The following ZNF385D variants were observed in gnomAD, a reference collection of about 807,000 sequenced individuals.
ZNF385D encodes zinc finger protein 385D.
In ZNF385D, 15 loss-of-function variants were observed where a neutral mutation model predicts 35.8. The observed-to-expected ratio is 0.42, with a 90% CI of 0.28 to 0.64. The LOEUF is 0.64. ZNF385D is among the 30% of genes least tolerant of loss of function. The probability of loss-of-function intolerance (pLI) is 0.23; values close to 1 mark genes in which losing one functional copy is unlikely to be tolerated. For synonymous variants in ZNF385D, 212 were observed against 186.8 expected, an observed-to-expected ratio of 1.13 and a Z score of -1.10; for missense variants, 474 against 494.6, an observed-to-expected ratio of 0.96 and a Z score of 0.39.
chr3:21,605,949 T>C (rs2064466529), intron 2 of ZNF385D, among the ~76,000 whole-genome samples: 1 of 151,792 alleles, frequency 6.6e-6, no homozygotes, highest in East Asian at 1.9e-4. Context: ...GTAATGCACA[T>C]CTTAAAACGT....
intron 2 of ZNF385D, among the ~76,000 whole-genome samples, chr3:22,229,259 T>C (rs1479161021): frequency 2.0e-5 from 3 of 152,238 alleles, no homozygotes; most frequent in African/African-American, 7.2e-5. Context: ...TTTGACTTTC[T>C]GTTAACTCTC....
At chr3:21,835,396 A>G (rs980704427) in intron 3 of ZNF385D, among the ~76,000 whole-genome samples, 2 of 152,038 alleles carry the variant, frequency 1.3e-5, no homozygotes, top group Admixed American at 1.3e-4. Context: ...GAAAATTGTT[A>G]TGAGAACATA....
chr3:21,981,032 G>A (rs1053214001), intron 3 of ZNF385D, among the ~76,000 whole-genome samples: 4 of 152,052 alleles, frequency 2.6e-5, no homozygotes, highest in South Asian at 4.2e-4. Flanking sequence ...GAACATTCAC[G>A]TGCATGTGTC....
chr3:21,442,876 T>G (rs932848153), intron 4 of ZNF385D, among the ~76,000 whole-genome samples: 1 of 114,240 alleles, frequency 8.8e-6, no homozygotes, highest in Non-Finnish European at 1.8e-5. Flanking sequence ...TATGTGTATA[T>G]CTGTGTATAA....
chr3:21,999,982 C>A (rs779967173), intron 3 of ZNF385D, among the ~76,000 whole-genome samples: 7 of 151,976 alleles, frequency 4.6e-5, no homozygotes, highest in Non-Finnish European at 7.4e-5. Flanking sequence ...ACAAGAAGCT[C>A]AAAAATCCCC....
At chr3:22,064,090 G>C (rs1213254995) in intron 3 of ZNF385D, among the ~76,000 whole-genome samples, 1 of 152,152 alleles carries the variant, frequency 6.6e-6, no homozygotes, top group Non-Finnish European at 1.5e-5. Context: ...CTCACCTTTA[G>C]GGGACTGCTA....
intron 3 of ZNF385D, among the ~76,000 whole-genome samples, chr3:21,929,738 C>A (rs191201867): frequency 1.0e-3 from 159 of 152,002 alleles, no homozygotes; most frequent in African/African-American, 3.7e-3. Context: ...TGAGGAATAA[C>A]TTTAACAAAA....
chr3:21,516,911 C>T (rs1707602800), intron 3 of ZNF385D, among the ~76,000 whole-genome samples: 2 of 151,850 alleles, frequency 1.3e-5, no homozygotes, highest in African/African-American at 2.4e-5. Context: ...TGTCACCATC[C>T]TCCTTGGGGA....
intron 2 of ZNF385D, among the ~76,000 whole-genome samples, chr3:21,633,641 T>C (rs1458241725): frequency 6.6e-6 from 1 of 152,110 alleles, no homozygotes. Flanking sequence ...AAATATCAGA[T>C]AGTATTTTAA....
rs1701852403 is a variant in ZNF385D, at chr3:21,947,517, A to AT, written c.325+221299dup. On this transcript the variant is annotated intron_variant, in intron 3 of 5. Transcript: ENST00000494108. ...AGGTGTGCACCACCATGCCTGGCTA[A>AT]TTTTTTGTACTTTTAGTAGAGATGG... is the stretch of plus-strand genomic sequence containing the variant. Among the ~76,000 whole-genome samples the AT allele has an allele frequency of 4.0e-5, 6 of 151,860 alleles. 1 individual carries two copies. In the South Asian group the frequency reaches 6.2e-4, roughly 16 times the overall value.
chr3:21,770,906 G>C (rs1428675677), intron 3 of ZNF385D, among the ~76,000 whole-genome samples: 1 of 152,056 alleles, frequency 6.6e-6, no homozygotes, highest in Admixed American at 6.6e-5. Flanking sequence ...ATACAATGCA[G>C]CCATAAAAAA....
rs1383254033 is a variant in ZNF385D at position 22,104,140 on chromosome 3, C to T, written c.325+64677G>A. On this transcript the variant is annotated intron_variant, in intron 3 of 5. Coordinates refer to the ZNF385D transcript ENST00000494108. ...TTATTCAAGTTGGAGACAAATTGGT[C>T]CAGCTCTGAGGGAAAATGCATTTAT... is the stretch of plus-strand genomic sequence containing the variant. Among the ~76,000 whole-genome samples the T allele has an allele frequency of 2.0e-5, 3 of 151,956 alleles. 1 individual carries two copies. Among genetic ancestry groups the T allele is most frequent in the South Asian group, 4.2e-4 (2 of 4,814 alleles).
chr3:21,475,842 ATCTT>A (rs1257636351), intron 4 of ZNF385D, among the ~76,000 whole-genome samples: 2 of 152,024 alleles, frequency 1.3e-5, no homozygotes, highest in African/African-American at 4.8e-5. Flanking sequence ...ATGAAGGAAA[ATCTT>A]TTTTTTTTCT....
intron 3 of ZNF385D, among the ~76,000 whole-genome samples, chr3:21,557,563 C>T (rs535072784): frequency 7.9e-5 from 12 of 152,094 alleles, no homozygotes; most frequent in South Asian, 6.2e-4. Context: ...GGATTAGTTT[C>T]GCCAGTATTT....
intron 3 of ZNF385D, among the ~76,000 whole-genome samples, chr3:21,798,989 T>C (rs1197942493): frequency 6.6e-6 from 1 of 152,170 alleles, no homozygotes; most frequent in Admixed American, 6.5e-5. Context: ...CTGACAAACA[T>C]TAATCTGCTT....
chr3:21,479,284 T>G (rs1378123782), intron 4 of ZNF385D, among the ~76,000 whole-genome samples: 1 of 152,000 alleles, frequency 6.6e-6, no homozygotes, highest in African/African-American at 2.4e-5. Flanking sequence ...TCTTTACTTA[T>G]GTAACTTTTG....
intron 3 of ZNF385D, chr3:21,542,678 T>C (rs2062214757): frequency 1.3e-5 from 2 of 152,322 alleles, no homozygotes; most frequent in East Asian, 3.9e-4. Flanking sequence ...CAAACTCTAA[T>C]CAGCCTGCCC....
intron 3 of ZNF385D, among the ~76,000 whole-genome samples, chr3:21,757,568 G>A (rs920956377): frequency 9.9e-5 from 15 of 152,116 alleles, no homozygotes; most frequent in African/African-American, 3.1e-4. Flanking sequence ...GAATAGCAAT[G>A]TTTATTGACT....
chr3:21,819,119 G>A (rs986696878), intron 3 of ZNF385D, among the ~76,000 whole-genome samples: 1 of 151,758 alleles, frequency 6.6e-6, no homozygotes, highest in Non-Finnish European at 1.5e-5. Flanking sequence ...TAAATATACT[G>A]TTAAGTGCTT....
Sources: gnomAD v4.1 joint callset for allele counts (sites outside exome capture counted in the v4.1 genomes callset) on GRCh38, gnomAD v4.1.1 for gene constraint, MANE v1.5 for transcripts, NCBI Gene and HGNC (gene_info 2026-07-23, HGNC 2026-07-21) for gene names.